The following PLCE1 variants were observed in gnomAD, a reference collection of about 807,000 sequenced individuals.
The protein encoded by PLCE1 is phospholipase C epsilon 1.
In PLCE1, 119 loss-of-function variants were observed where a neutral mutation model predicts 242.8. That is an observed-to-expected ratio of 0.49 (90% CI 0.42 to 0.57). The LOEUF is 0.57. PLCE1 is among the 20% of genes least tolerant of loss of function. The pLI is 0.00. For missense variants in PLCE1, 2,441 were observed against 2,788.8 expected (o/e 0.88, Z 2.81); for synonymous variants, 945 against 1,017.4 (o/e 0.93, Z 1.35).
chr10:94,297,150 G>A (rs1006810425), intron 23 of PLCE1, among the ~76,000 whole-genome samples: 5 of 152,184 alleles, frequency 3.3e-5, no homozygotes, highest in Non-Finnish European at 5.9e-5. Context: ...TTGCAGGCAT[G>A]AGCCACCGTG....
In PLCE1 at chr10:94,281,397, AATT is replaced by A. The variant is rs1270362319; in HGVS notation, c.4795+1492_4795+1494del. On this transcript the variant is annotated intron_variant, in intron 20 of 32. Transcript: ENST00000371380. The stretch of plus-strand genomic sequence containing the variant: ...GATTTCACATAAAGAAATAACAAAA[AATT>A]ATTATAGATGGTTTTGATTTGCAAG... Among the ~76,000 whole-genome samples the A allele has an allele frequency of 1.5e-3, 233 of 152,300 alleles. 2 individuals are homozygous for A. Among genetic ancestry groups the A allele is most frequent in the African/African-American group, 5.3e-3 (221 of 41,558 alleles).
intron 3 of PLCE1, among the ~76,000 whole-genome samples, chr10:94,136,953 T>G (rs1201323837): frequency 1.3e-5 from 2 of 152,116 alleles, no homozygotes; most frequent in Non-Finnish European, 2.9e-5. Context: ...AGCACTTTGG[T>G]AGGCCGAGGC....
chr10:94,148,064 G>A (rs1483178990), intron 3 of PLCE1, among the ~76,000 whole-genome samples: 4 of 152,178 alleles, frequency 2.6e-5, no homozygotes, highest in Non-Finnish European at 5.9e-5. Flanking sequence ...GAAACTGCAT[G>A]ATCTGGGGCA....
intron 3 of PLCE1, among the ~76,000 whole-genome samples, chr10:94,150,167 C>T (rs2047230067): frequency 1.3e-5 from 2 of 152,172 alleles, no homozygotes; most frequent in African/African-American, 4.8e-5. Flanking sequence ...GCGGGCCTTC[C>T]ACTACGGCCC....
At chr10:94,270,073 A>T (rs537483261) in intron 17 of PLCE1, among the ~76,000 whole-genome samples, 205 of 152,354 alleles carry the variant, frequency 1.3e-3, no homozygotes, top group Non-Finnish European at 2.5e-4. Flanking sequence ...GTGTTTACAT[A>T]TACACATAAA....
chr10:94,264,823 T>G (rs1030265597), intron 14 of PLCE1, among the ~76,000 whole-genome samples: 4 of 152,118 alleles, frequency 2.6e-5, no homozygotes, highest in Non-Finnish European at 5.9e-5. Context: ...CCTGGCTGAT[T>G]TATTTTTTAT....
intron 3 of PLCE1, among the ~76,000 whole-genome samples, chr10:94,165,003 C>T (rs576900716): frequency 6.6e-6 from 1 of 152,154 alleles, no homozygotes; most frequent in African/African-American, 2.4e-5. Flanking sequence ...GAAGTTTTGT[C>T]TCAGAGGAGT....
rs754671370 is a variant in PLCE1, at chr10:94,268,992, A to G, written c.4345A>G (p.Ile1449Val). 2 of 1,611,856 alleles carry G rather than the reference A, an allele frequency of 1.2e-6. No individual in the cohort carries two copies. The highest frequency in any genetic ancestry group is 1.7e-6 in the Non-Finnish European group (2 of 1,178,202). ...DCWDGDDGMP[I>V]IYHGHTLTTK... ...CTGGGACGGAGACGATGGGATGCCCATCATTTATCATGGACATACGCTGAC... is the reference window on the plus strand; with the variant it reads ...CTGGGACGGAGACGATGGGATGCCCGTCATTTATCATGGACATACGCTGAC... Residue 1449 changes from isoleucine (I) to valine (V), a missense_variant, in exon 17 of 33, where the codon ATC (isoleucine) becomes GTC (valine). Coordinates refer to ENST00000371380, the MANE Select transcript of PLCE1 (RefSeq NM_016341.4).
chr10:94,016,245 A>G (rs1332872334), intron 1 of PLCE1, among the ~76,000 whole-genome samples: 2 of 151,952 alleles, frequency 1.3e-5, no homozygotes, highest in African/African-American at 4.8e-5. Flanking sequence ...ATATATTATT[A>G]TATTTAGACA....
chr10:93,996,859 G>A (rs2060834401), intron 1 of PLCE1, among the ~76,000 whole-genome samples: 1 of 152,282 alleles, frequency 6.6e-6, no homozygotes, highest in African/African-American at 2.4e-5. Context: ...TGCAGCTAGT[G>A]GCTACTGTAT....
intron 5 of PLCE1, among the ~76,000 whole-genome samples, chr10:94,227,901 C>G (rs2050002679): frequency 6.6e-6 from 1 of 152,222 alleles, no homozygotes. Context: ...AATGTAAGCT[C>G]TCATTATTAA....
intron 4 of PLCE1, 64 bp downstream of exon 4, chr10:94,171,560 T>A (rs2047980335): frequency 7.9e-7 from 1 of 1,273,320 alleles, no homozygotes; most frequent in Admixed American, 1.7e-5. Context: ...CAAGCATACC[T>A]CCCCTTCTAG....
chr10:94,297,590 T>TAAAAAAAAAAAAAAAAAAAAAAAA (rs71031568), intron 23 of PLCE1, among the ~76,000 whole-genome samples: 6 of 56,580 alleles, frequency 1.1e-4, no homozygotes, highest in African/African-American at 1.7e-4. Context: ...TTTAAATTTG[T>TAAAAAAAAAAAAAAAAAAAAAAAA]AAAAAAAAAA....
At chr10:94,244,578 C>T (rs1186975920) in intron 7 of PLCE1, among the ~76,000 whole-genome samples, 1 of 152,192 alleles carries the variant, frequency 6.6e-6, no homozygotes, top group African/African-American at 2.4e-5. Context: ...TGCAAACTAG[C>T]CTTTTCTGTG....
chr10:94,095,009 A>G (rs1257253663), intron 2 of PLCE1, among the ~76,000 whole-genome samples: 9 of 152,244 alleles, frequency 5.9e-5, no homozygotes, highest in African/African-American at 2.2e-4. Flanking sequence ...CTACTCCACA[A>G]ACTGTTTCCA....
At chr10:94,014,794 G>C (rs1589856558) in intron 1 of PLCE1, among the ~76,000 whole-genome samples, 1 of 152,208 alleles carries the variant, frequency 6.6e-6, no homozygotes, top group East Asian at 1.9e-4. Flanking sequence ...GTGGTGATAG[G>C]AGAGGTGCCT....
intron 1 of PLCE1, among the ~76,000 whole-genome samples, chr10:94,029,919 C>A (rs2061524249): frequency 6.6e-6 from 1 of 152,192 alleles, no homozygotes; most frequent in Admixed American, 6.5e-5. Context: ...CCTTGTATAT[C>A]CTTTATAATT....
Position 94,227,169 on chromosome 10 carries a change from GCCCAGC to G in PLCE1, c.1810-135_1810-130del. On this transcript the variant is annotated intron_variant, in intron 4 of 32. Coordinates refer to ENST00000371380, the MANE Select transcript of PLCE1 (RefSeq NM_016341.4). ...TGGGATTACAGGCGTGAACCACCACGCCCAGCCAGGACCTACAGGTCTTTCATTTCC... is the reference window on the plus strand; with the variant it reads ...TGGGATTACAGGCGTGAACCACCACGCAGGACCTACAGGTCTTTCATTTCC... 26 of 786,370 alleles carry G rather than the reference GCCCAGC, an allele frequency of 3.3e-5. 1 individual carries two copies. In the South Asian group the frequency reaches 3.8e-4, roughly 12 times the overall value. The allele number at this position is 786,370 out of a possible 1,614,324, so 48.7% of individuals were successfully genotyped here. A position where few individuals can be genotyped will look rare whatever the true frequency, so the allele number is the denominator to read the frequency against.
At chr10:94,282,823 G>A (rs532811290) in intron 20 of PLCE1, among the ~76,000 whole-genome samples, 1 of 152,158 alleles carries the variant, frequency 6.6e-6, no homozygotes, top group South Asian at 2.1e-4. Context: ...TGCTCCTAAC[G>A]GTCAGGAAGG....
Sources: allele counts gnomAD v4.1 joint callset (sites outside exome capture counted in the v4.1 genomes callset), GRCh38; gene constraint gnomAD v4.1.1; transcripts MANE v1.5; gene names NCBI Gene and HGNC (gene_info 2026-07-23, HGNC 2026-07-21).